Variants in RARB observed in about 807,000 individuals in gnomAD.
The protein encoded by RARB is HBV-activated protein.
In RARB, 17 loss-of-function variants were observed where a neutral mutation model predicts 51.9. The observed-to-expected ratio is 0.33, with a 90% confidence interval of 0.22 to 0.49. The LOEUF (loss-of-function observed/expected upper bound fraction) is 0.49. RARB is among the 20% of genes least tolerant of loss of function. The pLI, the probability that RARB is intolerant of heterozygous loss-of-function variation, is 0.99. For synonymous variants in RARB, 215 were observed against 195.4 expected (o/e 1.10, Z -0.84); for missense variants, 369 against 550.8 (o/e 0.67, Z 3.30).
At chr3:25,242,875 T>C (rs886993000) in intron 5 of RARB, among the ~76,000 whole-genome samples, 4 of 152,234 alleles carry the variant, frequency 2.6e-5, no homozygotes, top group African/African-American at 7.2e-5. Flanking sequence ...GAGAATAGCA[T>C]TGAATCTATC....
At chr3:24,853,125 T>G (rs1226061014) in intron 1 of RARB, among the ~76,000 whole-genome samples, 1 of 150,916 alleles carries the variant, frequency 6.6e-6, no homozygotes, top group Admixed American at 6.6e-5. Context: ...CCATTCTGGT[T>G]AACACGGTGA....
At chr3:24,993,255 A>G (rs1462137155) in intron 2 of RARB, among the ~76,000 whole-genome samples, 1 of 152,172 alleles carries the variant, frequency 6.6e-6, no homozygotes, top group Non-Finnish European at 1.5e-5. Flanking sequence ...AACCTTTTAC[A>G]TAAATTATTC....
At chr3:25,447,271 A>G (rs969385993) in intron 1 of RARB, among the ~76,000 whole-genome samples, 6 of 151,346 alleles carry the variant, frequency 4.0e-5, no homozygotes, top group African/African-American at 1.5e-4. Context: ...TGTACTGGAC[A>G]CTCTTTTAGC....
At chr3:25,297,907 G>A (rs1013784977) in intron 5 of RARB, among the ~76,000 whole-genome samples, 13 of 152,138 alleles carry the variant, frequency 8.5e-5, no homozygotes, top group African/African-American at 3.1e-4. Context: ...GTGGGGTGAG[G>A]AAGAATTGCA....
At chr3:25,127,885 T>C (rs1004140691) in intron 3 of RARB, among the ~76,000 whole-genome samples, 1 of 152,168 alleles carries the variant, frequency 6.6e-6, no homozygotes, top group Non-Finnish European at 1.5e-5. Context: ...TGTTGAGTTT[T>C]AGTAACACCA....
upstream of RARB, among the ~76,000 whole-genome samples, chr3:25,426,032 C>A (rs1707977720): frequency 6.6e-6 from 1 of 152,178 alleles, no homozygotes; most frequent in Non-Finnish European, 1.5e-5. Flanking sequence ...TTTTCATCCA[C>A]CTCCACTGTC....
chr3:25,594,265 T>G (rs1701725058), intron 6 of RARB, among the ~76,000 whole-genome samples: 1 of 152,164 alleles, frequency 6.6e-6, no homozygotes, highest in Non-Finnish European at 1.5e-5. Flanking sequence ...TAGTGACACC[T>G]TCTGGTCAAA....
rs376315670 is a variant in RARB at position 25,218,020 on chromosome 3, A to G, written c.178+43445A>G. Among the ~76,000 whole-genome samples the G allele has an allele frequency of 1.5e-4, 23 of 152,288 alleles. No homozygotes were observed. The East Asian group carries it at 4.2e-3, about 28-fold the overall frequency. On this transcript the variant is annotated intron_variant, in intron 5 of 11. Transcript: ENST00000383772. Reference sequence around the variant, plus strand: ...TCTACTCTTTTTTGTTTTCATCTACAGGAAGTTTTCATTATTGCCATTCAA... The same window carrying G: ...TCTACTCTTTTTTGTTTTCATCTACGGGAAGTTTTCATTATTGCCATTCAA...
At chr3:24,925,951 G>C (rs560778681) in intron 2 of RARB, among the ~76,000 whole-genome samples, 2 of 152,150 alleles carry the variant, frequency 1.3e-5, no homozygotes, top group African/African-American at 4.8e-5. Flanking sequence ...CTTTGAAGTT[G>C]ATGTCTGCTA....
chr3:24,936,274 T>C (rs1035272748), intron 2 of RARB, among the ~76,000 whole-genome samples: 2 of 152,132 alleles, frequency 1.3e-5, no homozygotes, highest in Admixed American at 6.6e-5. Context: ...ATTTTACAAA[T>C]TAGTATATTG....
At chr3:25,542,812 G>A (rs1699440709) in intron 3 of RARB, among the ~76,000 whole-genome samples, 1 of 152,164 alleles carries the variant, frequency 6.6e-6, no homozygotes, top group Non-Finnish European at 1.5e-5. Context: ...GCCCTCCCAA[G>A]TCCTTACATC....
At chr3:25,388,105 G>C (rs1198284679) in intron 5 of RARB, among the ~76,000 whole-genome samples, 4 of 152,078 alleles carry the variant, frequency 2.6e-5, no homozygotes, top group Non-Finnish European at 5.9e-5. Flanking sequence ...GTTGATTTTT[G>C]ACAGTGAAAT....
At chr3:25,411,008 A>G (rs370670123) in intron 5 of RARB, among the ~76,000 whole-genome samples, 57 of 152,336 alleles carry the variant, frequency 3.7e-4, no homozygotes, top group African/African-American at 1.3e-3. Context: ...ATTTCTTTAA[A>G]TCAGTGGATT....
chr3:25,440,114 C>T (rs968323650), intron 1 of RARB, among the ~76,000 whole-genome samples: 2 of 152,110 alleles, frequency 1.3e-5, no homozygotes, highest in Non-Finnish European at 2.9e-5. Flanking sequence ...ACATGATGCT[C>T]AGTAAATAGA....
At chr3:25,323,453 A>G (rs1704627782) in intron 5 of RARB, among the ~76,000 whole-genome samples, 1 of 152,248 alleles carries the variant, frequency 6.6e-6, no homozygotes, top group Non-Finnish European at 1.5e-5. Flanking sequence ...GCAACAAAAC[A>G]TAGTAATCTG....
At chr3:25,110,095 C>A (rs1364042155) in intron 3 of RARB, among the ~76,000 whole-genome samples, 1 of 152,150 alleles carries the variant, frequency 6.6e-6, no homozygotes, top group Non-Finnish European at 1.5e-5. Flanking sequence ...TGTGGTTTCT[C>A]TCTCCTGACT....
intron 2 of RARB, among the ~76,000 whole-genome samples, chr3:25,481,574 G>A (rs566059446): frequency 1.3e-5 from 2 of 152,258 alleles, no homozygotes; most frequent in South Asian, 4.2e-4. Context: ...TGTCTGTTAT[G>A]GTCACTGAAT....
At chr3:25,444,916 C>A (rs577273677) in intron 1 of RARB, among the ~76,000 whole-genome samples, 1 of 152,000 alleles carries the variant, frequency 6.6e-6, no homozygotes, top group African/African-American at 2.4e-5. Flanking sequence ...GTTACCATAT[C>A]AGTTAGCTGG....
At chr3:25,484,636 A>C (rs1696377700) in intron 2 of RARB, among the ~76,000 whole-genome samples, 1 of 152,014 alleles carries the variant, frequency 6.6e-6, no homozygotes, top group African/African-American at 2.4e-5. Flanking sequence ...GTGTTTATAA[A>C]GTTTTCTTGG....
Sources: allele counts gnomAD v4.1 joint callset (sites outside exome capture counted in the v4.1 genomes callset), GRCh38; gene constraint gnomAD v4.1.1; transcripts MANE v1.5; gene names NCBI Gene and HGNC (gene_info 2026-07-23, HGNC 2026-07-21).